ASB13: variants seen among roughly 807,000 people sequenced by gnomAD.
ASB13 encodes the protein ankyrin repeat and SOCS box containing 13.
ASB13 carries 33 observed loss-of-function variants against 28.8 expected under a neutral mutation model. The observed-to-expected ratio is 1.15, with a 90% CI of 0.87 to 1.53. ASB13 has a LOEUF of 1.53. ASB13 is among the 40% of genes most tolerant of loss of function. The pLI, the probability that ASB13 is intolerant of heterozygous loss-of-function variation, is 0.00. For synonymous variants in ASB13, 182 were observed against 172.9 expected (o/e 1.05, Z -0.41); for missense variants, 414 against 390.1 (o/e 1.06, Z -0.52).
Position 5,666,562 on chromosome 10 carries a change from G to T in ASB13, c.-11C>A. On this transcript the variant is annotated 5_prime_UTR_variant, in exon 1 of 6. Coordinates refer to ENST00000357700, the MANE Select transcript of ASB13 (RefSeq NM_024701.4). ...CGCCCGGGGCTCCATGCGGCTCACC[G>T]GCGGCCGCGCGGCGACTCTGGGCGC... 3 of 1,160,534 alleles carry T rather than the reference G, an allele frequency of 2.6e-6. No individual in the cohort carries two copies. The highest frequency in any genetic ancestry group is 3.2e-6 in the Non-Finnish European group (3 of 942,504). The allele number at this position is 1,160,534 out of a possible 1,614,324, so 71.9% of individuals were successfully genotyped here. A position where few individuals can be genotyped will look rare whatever the true frequency, so the allele number is the denominator to read the frequency against.
At chr10:5,662,314 T>G (rs190292603) in intron 1 of ASB13, among the ~76,000 whole-genome samples, 6 of 151,270 alleles carry the variant, frequency 4.0e-5, no homozygotes, top group Admixed American at 1.3e-4. Context: ...AGGTCAAGAG[T>G]TCGAGATCAG....
Position 5,656,250 on chromosome 10 carries a change from T to A in ASB13, c.44-3200A>T, listed in dbSNP as rs951263647. On this transcript the variant is annotated intron_variant, in intron 1 of 5. Transcript: ENST00000357700. This position sits in a 1 kb window ranked among gnomAD's most constrained non-coding sequence, Gnocchi z 4.3. Reference sequence around the variant, plus strand: ...TGGAAGGAGTTACTAAAACCAATTATAAAGTCTGACTGGTCAAGGTGGTTC... The same window carrying A: ...TGGAAGGAGTTACTAAAACCAATTAAAAAGTCTGACTGGTCAAGGTGGTTC... Among the ~76,000 whole-genome samples the A allele has an allele frequency of 6.6e-6, 1 of 152,306 alleles. No homozygotes were observed. The highest frequency in any genetic ancestry group is 1.9e-4 in the East Asian group (1 of 5,182).
In ASB13 at chr10:5,663,374, T is replaced by A. The variant is rs1468757683; in HGVS notation, c.43+3135A>T. On this transcript the variant is annotated intron_variant, in intron 1 of 5. Transcript: ENST00000357700. This position sits in a 1 kb window ranked among gnomAD's most constrained non-coding sequence, Gnocchi z 4.9. ...CTGGATTCGCTGCATTATCCTTCAA[T>A]GTCTCCTCCCCTGACTCCCTCATCA... Among the ~76,000 whole-genome samples the A allele has an allele frequency of 6.6e-6, 1 of 152,178 alleles. No homozygotes were observed. The highest frequency in any genetic ancestry group is 1.5e-5 in the Non-Finnish European group (1 of 68,032).
rs1425367776 is a variant in ASB13, at chr10:5,658,122, C to T, written c.44-5072G>A. On this transcript the variant is annotated intron_variant, in intron 1 of 5. Coordinates refer to ENST00000357700, the MANE Select transcript of ASB13 (RefSeq NM_024701.4). The surrounding 1 kb of genome is among the most constrained non-coding windows in gnomAD (Gnocchi z 4.2). Reference sequence around the variant, plus strand: ...GCAGTGAACTGAGATCACACCACTGCACTCCAGCCTGGGTGACAGAGAGAG... The same window carrying T: ...GCAGTGAACTGAGATCACACCACTGTACTCCAGCCTGGGTGACAGAGAGAG... Among the ~76,000 whole-genome samples, 2 of 152,154 alleles carry T rather than the reference C, an allele frequency of 1.3e-5. No individual in the cohort carries two copies. Among genetic ancestry groups the T allele is most frequent in the African/African-American group, 4.8e-5 (2 of 41,426 alleles).
chr10:5,648,805 C>T (rs1405982828), intron 4 of ASB13, among the ~76,000 whole-genome samples, 165 bp downstream of exon 4: 4 of 150,886 alleles, frequency 2.7e-5, no homozygotes. Context: ...CAAACACCCA[C>T]TCCGGTAAAC....
rs1835082814 is a variant in ASB13 at position 5,656,796 on chromosome 10, G to C, written c.44-3746C>G. 6.6e-6 allele frequency among the ~76,000 whole-genome samples: 1 copy of C among 152,178 alleles called. No homozygotes were observed. Among genetic ancestry groups the C allele is most frequent in the Non-Finnish European group, 1.5e-5 (1 of 68,018 alleles). The stretch of plus-strand genomic sequence containing the variant: ...GACAAAGATGTTCCCAACCTCCTAG[G>C]ACCTTCACTGGTGCCCAGATGTCAC... On this transcript the variant is annotated intron_variant, in intron 1 of 5. Transcript: ENST00000357700. The surrounding 1 kb of genome is among the most constrained non-coding windows in gnomAD (Gnocchi z 4.3).
chr10:5,651,948 G>A lies in ASB13; in HGVS notation c.232-585C>T, dbSNP rs1255619909. On this transcript the variant is annotated intron_variant, in intron 2 of 5. Coordinates refer to ENST00000357700, the MANE Select transcript of ASB13 (RefSeq NM_024701.4). The surrounding 1 kb of genome is among the most constrained non-coding windows in gnomAD (Gnocchi z 5.1). Reference sequence around the variant, plus strand: ...GTCAAGGAGGATGAGGTTGCAGTGAGCTATGATCACGCCACTGCATTCCAG... The same window carrying A: ...GTCAAGGAGGATGAGGTTGCAGTGAACTATGATCACGCCACTGCATTCCAG... Among the ~76,000 whole-genome samples the A allele has an allele frequency of 6.9e-6, 1 of 144,238 alleles. No individual in the cohort carries two copies. The highest frequency in any genetic ancestry group is 2.6e-5 in the African/African-American group (1 of 38,990). 94.6% of individuals were successfully genotyped at this position (144,238 alleles called of 152,430 possible).
At chr10:5,666,391 C>G (rs1835260732) in intron 1 of ASB13, 118 bp downstream of exon 1, 2 of 914,632 alleles carry the variant, frequency 2.2e-6, no homozygotes, top group East Asian at 8.7e-5. Flanking sequence ...AACGCCCCCG[C>G]CCACGGAGCC....
chr10:5,656,889 C>T lies in ASB13; in HGVS notation c.44-3839G>A, dbSNP rs575928987. On this transcript the variant is annotated intron_variant, in intron 1 of 5. Coordinates refer to ENST00000357700, the MANE Select transcript of ASB13 (RefSeq NM_024701.4). The surrounding 1 kb of genome is among the most constrained non-coding windows in gnomAD (Gnocchi z 4.3). ...ACTGCCCTTAACATAATTAAGAACC[C>T]GAAACCTGTACTGACTTAGACGGCA... is the stretch of plus-strand genomic sequence containing the variant. 1.3e-5 allele frequency among the ~76,000 whole-genome samples: 2 copies of T among 152,238 alleles called. No homozygotes were observed. Among genetic ancestry groups the T allele is most frequent in the African/African-American group, 4.8e-5 (2 of 41,524 alleles).
intron 4 of ASB13, among the ~76,000 whole-genome samples, chr10:5,648,002 C>G (rs1163405068): frequency 6.1e-5 from 9 of 147,846 alleles, no homozygotes; most frequent in Non-Finnish European, 1.1e-4. Flanking sequence ...CAGGCAAACA[C>G]CCACTCAGGC....
chr10:5,640,631 A>G lies in ASB13; in HGVS notation c.*72T>C, dbSNP rs1834793565. On this transcript the variant is annotated 3_prime_UTR_variant, in exon 6 of 6. Transcript: ENST00000357700. ...TACAGCAATCACGCTGCTTCAGAGG[A>G]ACAGGCAGAGCCCTCACCCGGGCAA... is the stretch of plus-strand genomic sequence containing the variant. 2 of 1,589,876 alleles carry G rather than the reference A, an allele frequency of 1.3e-6. No individual in the cohort carries two copies. The highest frequency in any genetic ancestry group is 1.7e-6 in the Non-Finnish European group (2 of 1,160,728).
intron 1 of ASB13, 101 bp downstream of exon 1, chr10:5,666,408 G>C: frequency 1.9e-6 from 2 of 1,074,164 alleles, no homozygotes; most frequent in Non-Finnish European, 1.2e-6. Context: ...AGCCAGCGCG[G>C]GGCGCGCCAC....
chr10:5,642,146 C>T lies in ASB13; in HGVS notation c.518-185G>A, dbSNP rs762629445. On this transcript the variant is annotated intron_variant, in intron 4 of 5. Coordinates refer to ENST00000357700, the MANE Select transcript of ASB13 (RefSeq NM_024701.4). The surrounding 1 kb of genome is among the most constrained non-coding windows in gnomAD (Gnocchi z 4.1). ...AACATCCAAAAGCAGGAACTACTTA[C>T]TGTCCCCACTCATGAGAGATAAAGG... Among the ~76,000 whole-genome samples the T allele has an allele frequency of 6.6e-6, 1 of 152,164 alleles. No individual in the cohort carries two copies. Among genetic ancestry groups the T allele is most frequent in the Non-Finnish European group, 1.5e-5 (1 of 68,026 alleles).
rs1287059479 is a variant in ASB13 at position 5,642,898 on chromosome 10, T to G, written c.518-937A>C. Among the ~76,000 whole-genome samples, 1 of 152,108 alleles carries G rather than the reference T, an allele frequency of 6.6e-6. No individual in the cohort carries two copies. ...GGCTACGGGCATGAGCCACCACACC[T>G]GGTCACATATGGCATTTTGCAACAC... On this transcript the variant is annotated intron_variant, in intron 4 of 5. Coordinates refer to ENST00000357700, the MANE Select transcript of ASB13 (RefSeq NM_024701.4). This position sits in a 1 kb window ranked among gnomAD's most constrained non-coding sequence, Gnocchi z 4.1.
In ASB13 at chr10:5,659,386, A is replaced by C. The variant is rs1384568067; in HGVS notation, c.44-6336T>G. Among the ~76,000 whole-genome samples, 1 of 152,136 alleles carries C rather than the reference A, an allele frequency of 6.6e-6. No homozygotes were observed. The highest frequency in any genetic ancestry group is 2.4e-5 in the African/African-American group (1 of 41,418). On this transcript the variant is annotated intron_variant, in intron 1 of 5. Transcript: ENST00000357700. This position sits in a 1 kb window ranked among gnomAD's most constrained non-coding sequence, Gnocchi z 5.8. ...CCTGCTCACAAGGGCTCCCTCCTCC[A>C]GGGTGGAACCCAGGCAAGGAACAAG...
chr10:5,650,720 A>G lies in ASB13; in HGVS notation c.382+493T>C, dbSNP rs1007035443. 2.0e-5 allele frequency among the ~76,000 whole-genome samples: 3 copies of G among 152,106 alleles called. No individual in the cohort carries two copies. Among genetic ancestry groups the G allele is most frequent in the Admixed American group, 6.5e-5 (1 of 15,278 alleles). On this transcript the variant is annotated intron_variant, in intron 3 of 5. Transcript: ENST00000357700. The surrounding 1 kb of genome is among the most constrained non-coding windows in gnomAD (Gnocchi z 6.0). Reference sequence around the variant, plus strand: ...TTCCCCATGCTCGGGGTGCCCTTTTATCTTCCCAGCATCTGCAGTCTGCCT... The same window carrying G: ...TTCCCCATGCTCGGGGTGCCCTTTTGTCTTCCCAGCATCTGCAGTCTGCCT...
intron 4 of ASB13, among the ~76,000 whole-genome samples, chr10:5,647,410 T>C (rs1834901605): frequency 6.6e-6 from 1 of 152,234 alleles, no homozygotes; most frequent in Non-Finnish European, 1.5e-5. Flanking sequence ...TATAGACAGG[T>C]CCTGAGCCTA....
At chr10:5,647,457 T>A (rs779485191) in intron 4 of ASB13, among the ~76,000 whole-genome samples, 61 of 152,342 alleles carry the variant, frequency 4.0e-4, no homozygotes, top group Middle Eastern at 3.4e-3. Flanking sequence ...TTTGATTTTT[T>A]TCCCTCTTTG....
chr10:5,642,229 C>T lies in ASB13; in HGVS notation c.518-268G>A, dbSNP rs1017727112. Among the ~76,000 whole-genome samples the T allele has an allele frequency of 2.6e-5, 4 of 152,038 alleles. No homozygotes were observed. Among genetic ancestry groups the T allele is most frequent in the Admixed American group, 6.6e-5 (1 of 15,252 alleles). On this transcript the variant is annotated intron_variant, in intron 4 of 5. Transcript: ENST00000357700. The surrounding 1 kb of genome is among the most constrained non-coding windows in gnomAD (Gnocchi z 4.1). Reference sequence around the variant, plus strand: ...AGAACCGAAAAGAAGAAAAATAAAACGAAAAATGTCCTGAGTTAAACAACC... The same window carrying T: ...AGAACCGAAAAGAAGAAAAATAAAATGAAAAATGTCCTGAGTTAAACAACC...
Sources: allele counts gnomAD v4.1 joint callset (sites outside exome capture counted in the v4.1 genomes callset), GRCh38; gene constraint gnomAD v4.1.1; non-coding constraint Gnocchi (gnomAD v3.1); transcripts MANE v1.5; gene names NCBI Gene and HGNC (gene_info 2026-07-23, HGNC 2026-07-21).